XIRP2: variants seen among roughly 807,000 people sequenced by gnomAD.
XIRP2 encodes xin actin-binding repeat-containing protein 2.
XIRP2 carries 236 observed loss-of-function variants against 277.0 expected under a neutral mutation model. The observed-to-expected ratio is 0.85, with a 90% CI of 0.77 to 0.95. The LOEUF is 0.95. Ranked by LOEUF, XIRP2 falls within the 40% of genes least tolerant of loss-of-function variation. The probability of loss-of-function intolerance (pLI) is 0.00; values close to 1 mark genes in which losing one functional copy is unlikely to be tolerated. For missense variants in XIRP2, 4,640 were observed against 4,157.5 expected (o/e 1.12, Z -3.19); for synonymous variants, 1,490 against 1,416.5 (o/e 1.05, Z -1.17).
chr2:167,107,845 T>C (rs1347000126), intron 2 of XIRP2, among the ~76,000 whole-genome samples: 1 of 151,692 alleles, frequency 6.6e-6, no homozygotes, highest in African/African-American at 2.4e-5. Flanking sequence ...TAGAATTCTC[T>C]AGTAAAAATT....
intron 3 of XIRP2, among the ~76,000 whole-genome samples, chr2:167,184,156 G>T (rs1303683571): frequency 6.6e-6 from 1 of 152,112 alleles, no homozygotes; most frequent in Non-Finnish European, 1.5e-5. Flanking sequence ...CAAAACCTTT[G>T]CTGGTTCATC....
intron 2 of XIRP2, among the ~76,000 whole-genome samples, chr2:167,025,675 A>G (rs1164851282): frequency 1.2e-4 from 19 of 152,124 alleles, no homozygotes; most frequent in Non-Finnish European, 2.1e-4. Flanking sequence ...CATTGGTTTC[A>G]AAGAACATCT....
chr2:167,083,854 G>A (rs1039442952), intron 2 of XIRP2, among the ~76,000 whole-genome samples: 29 of 151,948 alleles, frequency 1.9e-4, no homozygotes, highest in East Asian at 3.9e-4. Flanking sequence ...AGACAATGTG[G>A]TTTTCTAGAT....
Position 167,250,564 on chromosome 2 carries a change from A to G in XIRP2, c.9172A>G (p.Asn3058Asp). The change falls in exon 9 of 11, where the codon AAT (asparagine) becomes GAT (aspartate). Residue 3058 changes from asparagine to aspartate, a missense_variant. Physicochemically the swap from Asn to Asp is conservative, Grantham distance 23. Transcript: ENST00000409195. Reference protein sequence around the residue: ...SLDETSSKVSNVHVSNNKNSE... With the variant: ...SLDETSSKVSDVHVSNNKNSE... ...TGATGAAACATCATCCAAAGTATCT[A>G]ATGTTCATGTCAGCAATAATAAAAA... is the stretch of plus-strand genomic sequence containing the variant. 2 of 1,613,644 alleles carry G rather than the reference A, an allele frequency of 1.2e-6. No individual in the cohort carries two copies. Among genetic ancestry groups the G allele is most frequent in the Non-Finnish European group, 1.7e-6 (2 of 1,179,732 alleles).
rs183532945 is a variant in XIRP2 at position 166,933,559 on chromosome 2, G to A, written c.408+29669G>A. 6.3e-4 allele frequency among the ~76,000 whole-genome samples: 95 copies of A among 151,348 alleles called. 3 individuals are homozygous for A. In the Middle Eastern group the frequency reaches 0.01, roughly 16 times the overall value. On this transcript the variant is annotated intron_variant, in intron 2 of 10. Transcript: ENST00000409195. ...CGTGCCACTGCACTCCAGCCTGGGC[G>A]ACAGAGTGAGACTCCTCTCAAAAAA...
At position 167,243,825 on chromosome 2, in the gene XIRP2, A is replaced by G. The variant is rs763144719; in HGVS notation, c.2433A>G (p.Leu811=). The G allele has an allele frequency of 1.9e-6, 3 of 1,614,012 alleles. No homozygotes were observed. Among genetic ancestry groups the G allele is most frequent in the Non-Finnish European group, 1.7e-6 (2 of 1,179,958 alleles). ...VKGGVSKAKW[L]FETQPLEKIK... is the part of the protein sequence containing the mutation. ...GTGGGGTGAGTAAGGCAAAGTGGTT[A>G]TTTGAAACCCAACCTTTGGAGAAAA... The change falls in exon 9 of 11, where the codon TTA becomes TTG. Residue 811 remains leucine, a synonymous_variant. Coordinates refer to ENST00000409195, the MANE Select transcript of XIRP2 (RefSeq NM_152381.6).
At position 167,076,807 on chromosome 2, in the gene XIRP2, T is replaced by G. The variant is rs76899150; in HGVS notation, c.409-59102T>G. Among the ~76,000 whole-genome samples the G allele has an allele frequency of 2.1e-3, 321 of 152,062 alleles. 14 individuals carry two copies. In the East Asian group the frequency reaches 0.056, roughly 27 times the overall value. On this transcript the variant is annotated intron_variant, in intron 2 of 10. Transcript: ENST00000409195. ...CATGTTAAGGTAGCAGCTACTATGGTTAGTTATTTATGTATTTATTTATTT... is the reference window on the plus strand; with the variant it reads ...CATGTTAAGGTAGCAGCTACTATGGGTAGTTATTTATGTATTTATTTATTT...
In XIRP2 at chr2:167,244,677, A is replaced by T. The variant is rs1695189551; in HGVS notation, c.3285A>T (p.Lys1095Asn). The T allele has an allele frequency of 1.2e-6, 2 of 1,613,590 alleles. No homozygotes were observed. The highest frequency in any genetic ancestry group is 1.7e-5 in the Admixed American group (1 of 59,958). The change falls in exon 9 of 11, where the codon AAA becomes AAT. Residue 1095 changes from lysine (K) to asparagine (N), a missense_variant. Coordinates refer to ENST00000409195, the MANE Select transcript of XIRP2 (RefSeq NM_152381.6). ...DIVKGDVKTC[K>N]WLFETQPMES... ...TTAAAGGGGATGTCAAAACCTGTAA[A>T]TGGCTTTTTGAGACCCAGCCAATGG...
At chr2:167,238,416 T>G (rs1274293145) in intron 5 of XIRP2, among the ~76,000 whole-genome samples, 1 of 152,076 alleles carries the variant, frequency 6.6e-6, no homozygotes, top group Non-Finnish European at 1.5e-5. Context: ...TTCTTAATTC[T>G]CCTTCCTAGA....
chr2:166,981,694 C>T lies in XIRP2; in HGVS notation c.408+77804C>T, dbSNP rs1040050993. Among the ~76,000 whole-genome samples, 43 of 152,168 alleles carry T rather than the reference C, an allele frequency of 2.8e-4. 1 individual carries two copies. Among genetic ancestry groups the T allele is most frequent in the African/African-American group, 1.0e-3 (43 of 41,444 alleles). On this transcript the variant is annotated intron_variant, in intron 2 of 10. Transcript: ENST00000409195. ...GGGCTTACAGGCATGAGCCACCGCA[C>T]CCAGTTCCTTCTCCTCTTCTTATAA...
chr2:167,242,849 A>G lies in XIRP2; in HGVS notation c.1457A>G (p.Lys486Arg). ...CCTCCTAGAAGACTACCAGTCCCCA[A>G]AGATGTATATTCCAAGCAAAGAAAT... is the stretch of plus-strand genomic sequence containing the variant. The part of the protein sequence containing the change: ...PSPPRRLPVP[K>R]DVYSKQRNLY... Residue 486 changes from lysine to arginine, a missense_variant, in exon 9 of 11, where the codon AAA (lysine) becomes AGA (arginine). By Grantham distance (26) the Lys-to-Arg change is conservative (BLOSUM62 2). Coordinates refer to ENST00000409195, the MANE Select transcript of XIRP2 (RefSeq NM_152381.6). 1.2e-6 allele frequency: 2 copies of G among 1,614,134 alleles called. No individual in the cohort carries two copies. The highest frequency in any genetic ancestry group is 1.7e-6 in the Non-Finnish European group (2 of 1,180,008).
chr2:166,983,225 C>T (rs937883132), intron 2 of XIRP2, among the ~76,000 whole-genome samples: 9 of 152,128 alleles, frequency 5.9e-5, no homozygotes, highest in African/African-American at 2.2e-4. Flanking sequence ...CTTTCTCTGA[C>T]ATTTCCAATA....
At chr2:167,085,850 T>C (rs1264648325) in intron 2 of XIRP2, among the ~76,000 whole-genome samples, 6 of 152,192 alleles carry the variant, frequency 3.9e-5, no homozygotes, top group Non-Finnish European at 8.8e-5. Flanking sequence ...GCATGTGAGA[T>C]GGGTTTCCTG....
Position 167,247,376 on chromosome 2 carries a change from A to G in XIRP2, c.5984A>G (p.Asp1995Gly). Residue 1995 changes from aspartate to glycine, a missense_variant, in exon 9 of 11, where the codon GAT becomes GGT. Physicochemically the swap from Asp to Gly is moderately conservative, Grantham distance 94. Coordinates refer to ENST00000409195, the MANE Select transcript of XIRP2 (RefSeq NM_152381.6). ...EPAAKWQGGADTLSQTMGKSC... is the reference protein window; with the variant it reads ...EPAAKWQGGAGTLSQTMGKSC... ...GCGGCCAAGTGGCAAGGGGGAGCAG[A>G]TACTCTCAGTCAAACTATGGGGAAA... The G allele has an allele frequency of 6.2e-7, 1 of 1,613,780 alleles. No individual in the cohort carries two copies. The highest frequency in any genetic ancestry group is 8.5e-7 in the Non-Finnish European group (1 of 1,179,802).
At chr2:167,069,275 T>C (rs2105248707) in intron 2 of XIRP2, among the ~76,000 whole-genome samples, 1 of 152,318 alleles carries the variant, frequency 6.6e-6, no homozygotes, top group Non-Finnish European at 1.5e-5. Context: ...CTGAATATTT[T>C]TGATCTGCAG....
At chr2:167,154,288 A>G (rs1692116614) in intron 3 of XIRP2, among the ~76,000 whole-genome samples, 2 of 150,430 alleles carry the variant, frequency 1.3e-5, no homozygotes, top group Middle Eastern at 3.4e-3. Context: ...GTTTGAGTTC[A>G]TTGTAGATTC....
chr2:167,246,198 G>A lies in XIRP2; in HGVS notation c.4806G>A (p.Arg1602=), dbSNP rs1005451476. ...SPEIQKEEII[R]ADLRNIMVNL... is the part of the protein sequence containing the mutation. Reference sequence around the variant, plus strand: ...AGATACAGAAAGAAGAAATTATCAGGGCTGATCTCAGAAATATAATGGTGA... The same window carrying A: ...AGATACAGAAAGAAGAAATTATCAGAGCTGATCTCAGAAATATAATGGTGA... Residue 1602 remains arginine, a synonymous_variant, in exon 9 of 11, where the codon AGG becomes AGA. Coordinates refer to ENST00000409195, the MANE Select transcript of XIRP2 (RefSeq NM_152381.6). 1.2e-6 allele frequency: 2 copies of A among 1,612,824 alleles called. No individual in the cohort carries two copies. Among genetic ancestry groups the A allele is most frequent in the African/African-American group, 1.3e-5 (1 of 74,810 alleles).
At position 167,247,353 on chromosome 2, in the gene XIRP2, G is replaced by A. The variant is rs7581012; in HGVS notation, c.5961G>A (p.Ala1987=). 207,548 of 1,613,498 alleles carry A rather than the reference G, an allele frequency of 0.13. 15,393 individuals carry two copies. Among genetic ancestry groups the A allele is most frequent in the African/African-American group, 0.3 (22,641 of 74,892 alleles). The part of the protein sequence containing the change: ...LQPKPGPFEP[A]AKWQGGADTL... ...CAAAGCCAGGTCCATTTGAGCCAGC[G>A]GCCAAGTGGCAAGGGGGAGCAGATA... The change falls in exon 9 of 11, where the codon GCG becomes GCA. Residue 1987 remains alanine, a synonymous_variant. Coordinates refer to ENST00000409195, the MANE Select transcript of XIRP2 (RefSeq NM_152381.6).
intron 4 of XIRP2, among the ~76,000 whole-genome samples, chr2:167,212,687 C>T (rs1208253157): frequency 6.6e-6 from 1 of 152,184 alleles, no homozygotes; most frequent in Admixed American, 6.5e-5. Context: ...GCTCTTCTAA[C>T]TGAATTCAAC....
Sources: gnomAD v4.1 joint callset for allele counts (sites outside exome capture counted in the v4.1 genomes callset) on GRCh38, gnomAD v4.1.1 for gene constraint, MANE v1.5 for transcripts, NCBI Gene and HGNC (gene_info 2026-07-23, HGNC 2026-07-21) for gene names.